EXOG: variants seen among roughly 807,000 people sequenced by gnomAD.
The protein encoded by EXOG is exo/endonuclease G.
Under a neutral mutation model 25.8 loss-of-function variants are expected in EXOG, and 27 were observed. The ratio of observed to expected loss-of-function variants is 1.05; its 90% CI spans 0.77 to 1.45. EXOG has a LOEUF of 1.45. Ranked by LOEUF, EXOG falls within the 40% of genes most tolerant of loss-of-function variation. EXOG has a pLI of 0.00. For synonymous variants in EXOG, 133 were observed against 167.0 expected (o/e 0.80, Z 1.57); for missense variants, 458 against 450.5 (o/e 1.02, Z -0.15).
intron 5 of EXOG, among the ~76,000 whole-genome samples, chr3:38,516,040 G>A (rs1349973862): frequency 6.6e-6 from 1 of 152,026 alleles, no homozygotes; most frequent in Non-Finnish European, 1.5e-5. Context: ...GCTTTTTCCT[G>A]TATATTTTAT....
intron 1 of EXOG, chr3:38,497,401 TTATTCAC>T: frequency 7.8e-7 from 1 of 1,281,284 alleles, no homozygotes; most frequent in South Asian, 2.5e-5. Context: ...TAGCTGCATT[TTATTCAC>T]TGATTATAGG....
At chr3:38,523,160 T>C (rs990452034) in intron 5 of EXOG, 3 of 1,276,400 alleles carry the variant, frequency 2.4e-6, no homozygotes, top group East Asian at 5.6e-5. Context: ...TAAGGCCATG[T>C]TTTTATTTCT....
Position 38,525,312 on chromosome 3 carries a change from C to A in EXOG, c.*950C>A. ...AGAAGAAAGACAGCTGAGGTAGATTCAAATCTTTTCTGACATGGATGGTGG... is the reference window on the plus strand; with the variant it reads ...AGAAGAAAGACAGCTGAGGTAGATTAAAATCTTTTCTGACATGGATGGTGG... On this transcript the variant is annotated 3_prime_UTR_variant, in exon 6 of 6. Transcript: ENST00000287675. 2 of 985,114 alleles carry A rather than the reference C, an allele frequency of 2.0e-6. No individual in the cohort carries two copies. Among genetic ancestry groups the A allele is most frequent in the South Asian group, 9.4e-5 (2 of 21,276 alleles). 61.0% of individuals were successfully genotyped at this position (985,114 alleles called of 1,614,324 possible).
chr3:38,506,776 A>T, intron 4 of EXOG, 78 bp from the exon 5 acceptor site: 1 of 611,074 alleles, frequency 1.6e-6, no homozygotes, highest in Admixed American at 3.0e-5. Context: ...GGTATCTTTC[A>T]TAGGAATTGA....
chr3:38,521,965 G>C (rs2060729610), intron 5 of EXOG, among the ~76,000 whole-genome samples: 1 of 152,162 alleles, frequency 6.6e-6, no homozygotes, highest in South Asian at 2.1e-4. Flanking sequence ...ACTTCCATAG[G>C]GTTCTCCCTC....
At chr3:38,511,280 G>A (rs977845048) in intron 5 of EXOG, among the ~76,000 whole-genome samples, 4 of 152,048 alleles carry the variant, frequency 2.6e-5, no homozygotes, top group Non-Finnish European at 5.9e-5. Context: ...GTATTGCAGA[G>A]GCCTCTAATG....
At chr3:38,506,816 A>T (rs1324639198) in intron 4 of EXOG, 38 bp from the exon 5 acceptor site, 1 of 986,478 alleles carries the variant, frequency 1.0e-6, no homozygotes, top group African/African-American at 1.6e-5. Context: ...ACATGTATAT[A>T]TGTGAGAATA....
intron 4 of EXOG, chr3:38,505,415 A>T (rs1343428738): frequency 1.3e-5 from 2 of 152,080 alleles, no homozygotes; most frequent in Non-Finnish European, 2.9e-5. Context: ...AATTTCTGGG[A>T]GGAAAACTTT....
intron 1 of EXOG, chr3:38,496,945 G>T: frequency 1.8e-6 from 2 of 1,134,148 alleles, no homozygotes; most frequent in Non-Finnish European, 2.2e-6. Flanking sequence ...TATGAATGAA[G>T]GAATAAATTA....
chr3:38,518,886 G>A (rs973231243), intron 5 of EXOG, among the ~76,000 whole-genome samples: 1 of 152,214 alleles, frequency 6.6e-6, no homozygotes, highest in African/African-American at 2.4e-5. Flanking sequence ...AATTGTCAAA[G>A]AGGGTATCCA....
intron 5 of EXOG, among the ~76,000 whole-genome samples, chr3:38,509,090 A>G (rs949255841): frequency 2.0e-5 from 3 of 152,116 alleles, no homozygotes; most frequent in Non-Finnish European, 4.4e-5. Context: ...GTCTTAGGAG[A>G]AAAAAAGGCT....
intron 3 of EXOG, 41 bp from the exon 4 acceptor site, chr3:38,503,574 A>G: frequency 1.8e-6 from 2 of 1,083,010 alleles, no homozygotes; most frequent in Non-Finnish European, 2.8e-6. Flanking sequence ...TTTAAAGGGG[A>G]AAGCATTTCA....
chr3:38,518,638 G>C (rs1012988389), intron 5 of EXOG, among the ~76,000 whole-genome samples: 4 of 152,158 alleles, frequency 2.6e-5, no homozygotes, highest in Non-Finnish European at 2.9e-5. Context: ...CCCAATAAAA[G>C]GGTTTATTTA....
At chr3:38,506,024 A>G (rs1286112939) in intron 4 of EXOG, among the ~76,000 whole-genome samples, 1 of 150,816 alleles carries the variant, frequency 6.6e-6, no homozygotes, top group African/African-American at 2.4e-5. Flanking sequence ...ACATATTACA[A>G]CTACTTGCCA....
At chr3:38,498,435 G>A (rs1315911698) in intron 2 of EXOG, among the ~76,000 whole-genome samples, 1 of 152,008 alleles carries the variant, frequency 6.6e-6, no homozygotes, top group Non-Finnish European at 1.5e-5. Context: ...CACCTCTGTG[G>A]TTCCAGCTAC....
intron 5 of EXOG, among the ~76,000 whole-genome samples, chr3:38,508,711 A>ACCC (rs10657688): frequency 0.01 from 1,337 of 131,942 alleles, 5 homozygotes; most frequent in East Asian, 0.015. Flanking sequence ...TTGAGGAACC[A>ACCC]CCCCCCCCCC....
chr3:38,501,270 A>G, intron 2 of EXOG, 85 bp from the exon 3 acceptor site: 1 of 1,137,372 alleles, frequency 8.8e-7, no homozygotes, highest in Non-Finnish European at 1.3e-6. Context: ...GACACCAGCC[A>G]GTAGCAACCA....
intron 4 of EXOG, among the ~76,000 whole-genome samples, chr3:38,504,150 T>C (rs1172103693): frequency 6.6e-6 from 1 of 152,130 alleles, no homozygotes; most frequent in Non-Finnish European, 1.5e-5. Context: ...GGAGAATTGC[T>C]TGAGGCCAGC....
At chr3:38,505,227 G>A (rs1421834581) in intron 4 of EXOG, among the ~76,000 whole-genome samples, 1 of 150,812 alleles carries the variant, frequency 6.6e-6, no homozygotes, top group East Asian at 1.9e-4. Context: ...CAAAAATTTG[G>A]TTGATATGTC....
Sources: gnomAD v4.1 joint callset for allele counts (sites outside exome capture counted in the v4.1 genomes callset) on GRCh38, gnomAD v4.1.1 for gene constraint, MANE v1.5 for transcripts, NCBI Gene and HGNC (gene_info 2026-07-23, HGNC 2026-07-21) for gene names.